Variants in ANK3 observed in about 807,000 individuals in gnomAD.
The protein encoded by ANK3 is ankyrin-3.
In ANK3, 57 loss-of-function variants were observed where a neutral mutation model predicts 370.9. That is an observed-to-expected ratio of 0.15 (90% CI 0.12 to 0.19). The LOEUF (loss-of-function observed/expected upper bound fraction) is 0.19, where lower values mean the gene tolerates loss of function less well. ANK3 is among the 10% of genes least tolerant of loss of function. The pLI, the probability that ANK3 is intolerant of heterozygous loss-of-function variation, is 1.00. For missense variants in ANK3, 4,439 were observed against 5,302.1 expected (o/e 0.84, Z 5.06); for synonymous variants, 1,929 against 1,946.3 (o/e 0.99, Z 0.23).
chr10:60,497,332 G>A (rs2075685038), intron 2 of ANK3, among the ~76,000 whole-genome samples: 1 of 152,022 alleles, frequency 6.6e-6, no homozygotes, highest in African/African-American at 2.4e-5. Context: ...ATAAATATGT[G>A]CCTAGTATCA....
At chr10:60,444,248 A>G (rs1403508886) in intron 2 of ANK3, among the ~76,000 whole-genome samples, 1 of 152,108 alleles carries the variant, frequency 6.6e-6, no homozygotes, top group Non-Finnish European at 1.5e-5. Flanking sequence ...AACCCCAGCT[A>G]GAGAGCAAAA....
At chr10:60,348,367 A>ACAC (rs779742759) in intron 1 of ANK3, among the ~76,000 whole-genome samples, 21,935 of 125,906 alleles carry the variant, frequency 0.17, 2,475 homozygotes, top group Middle Eastern at 0.33. Flanking sequence ...AAAAAAAAAA[A>ACAC]AAACACAAAA....
intron 1 of ANK3, among the ~76,000 whole-genome samples, chr10:60,372,681 A>G (rs1269366401): frequency 6.6e-6 from 1 of 152,200 alleles, no homozygotes; most frequent in Non-Finnish European, 1.5e-5. Flanking sequence ...CTGGCTCTGC[A>G]GAGGCCCCGG....
intron 1 of ANK3, among the ~76,000 whole-genome samples, chr10:60,348,670 C>A (rs1260418012): frequency 6.6e-6 from 1 of 152,144 alleles, no homozygotes; most frequent in Non-Finnish European, 1.5e-5. Flanking sequence ...CGGCTAACAG[C>A]AGTAGTGGTG....
At chr10:60,104,182 C>T (rs1423995299) in intron 28 of ANK3, among the ~76,000 whole-genome samples, 3 of 151,204 alleles carry the variant, frequency 2.0e-5, no homozygotes, top group Non-Finnish European at 4.4e-5. Flanking sequence ...ACCTGCAATA[C>T]AAGTTTACCT....
chr10:60,253,913 G>A (rs1592539440), intron 7 of ANK3, among the ~76,000 whole-genome samples: 1 of 152,148 alleles, frequency 6.6e-6, no homozygotes, highest in African/African-American at 2.4e-5. Flanking sequence ...AAAAAAGTCT[G>A]CTATAAGTGG....
At chr10:60,095,341 T>C (rs1407739105) in intron 28 of ANK3, among the ~76,000 whole-genome samples, 1 of 152,218 alleles carries the variant, frequency 6.6e-6, no homozygotes, top group Non-Finnish European at 1.5e-5. Flanking sequence ...TGCTATAAAA[T>C]ATACGTACTA....
At chr10:60,473,966 CAAAA>C (rs139841930) in intron 2 of ANK3, among the ~76,000 whole-genome samples, 8 of 92,640 alleles carry the variant, frequency 8.6e-5, no homozygotes, top group African/African-American at 1.7e-4. Context: ...CCTGTTTCTA[CAAAA>C]AAAAAAAAAA....
At chr10:60,307,237 C>T (rs932196531) in intron 1 of ANK3, among the ~76,000 whole-genome samples, 3 of 152,300 alleles carry the variant, frequency 2.0e-5, no homozygotes, top group African/African-American at 7.2e-5. Context: ...GCCAACAAAA[C>T]CTAAAATATT....
At chr10:60,325,352 T>C (rs1040308717) in intron 1 of ANK3, among the ~76,000 whole-genome samples, 1 of 152,208 alleles carries the variant, frequency 6.6e-6, no homozygotes, top group East Asian at 1.9e-4. Context: ...GAGACAAATG[T>C]CCACTTTTGG....
At chr10:60,430,835 C>G (rs1473348767) in intron 2 of ANK3, among the ~76,000 whole-genome samples, 1 of 152,150 alleles carries the variant, frequency 6.6e-6, no homozygotes, top group African/African-American at 2.4e-5. Context: ...AATTCTTACT[C>G]TACTATCTCT....
intron 1 of ANK3, among the ~76,000 whole-genome samples, chr10:60,633,653 T>TA (rs1457699019): frequency 6.6e-6 from 1 of 152,122 alleles, no homozygotes; most frequent in African/African-American, 2.4e-5. Flanking sequence ...TTTAAAAAAA[T>TA]AGAGCTGGGC....
At chr10:60,656,323 T>C (rs1364508396) in intron 1 of ANK3, among the ~76,000 whole-genome samples, 1 of 152,166 alleles carries the variant, frequency 6.6e-6, no homozygotes, top group East Asian at 1.9e-4. Context: ...AGTATTTTCC[T>C]TCTAATGTCT....
intron 2 of ANK3, among the ~76,000 whole-genome samples, chr10:60,575,586 T>C (rs540924798): frequency 1.3e-5 from 2 of 152,290 alleles, no homozygotes; most frequent in South Asian, 4.1e-4. Flanking sequence ...ATGTGGCATA[T>C]AACATGTTTT....
In ANK3 at chr10:60,074,096, C is replaced by T. The variant is rs768862616; in HGVS notation, c.6785G>A (p.Gly2262Asp). Reference sequence around the variant, plus strand: ...GGTTTCTTCAATTCTTTCAGATGCACCTTCACCGCCTGGTGGAGAATGATA... The same window carrying T: ...GGTTTCTTCAATTCTTTCAGATGCATCTTCACCGCCTGGTGGAGAATGATA... ...MVYHSPPGGE[G>D]ASERIEETMS... Residue 2262 changes from glycine (G) to aspartate (D), a missense_variant, in exon 37 of 44, where the codon GGT becomes GAT. By Grantham distance (94) the Gly-to-Asp change is moderately conservative. Coordinates refer to ENST00000280772, the MANE Select transcript of ANK3 (RefSeq NM_020987.5). 1 of 1,613,924 alleles carries T rather than the reference C, an allele frequency of 6.2e-7. No homozygotes were observed.
intron 16 of ANK3, among the ~76,000 whole-genome samples, chr10:60,189,922 A>G (rs1238294461): frequency 6.6e-6 from 1 of 152,238 alleles, no homozygotes; most frequent in Non-Finnish European, 1.5e-5. Flanking sequence ...ATCAATAGAT[A>G]TGTTGCACAT....
At chr10:60,672,629 C>T (rs1188517078) in intron 1 of ANK3, among the ~76,000 whole-genome samples, 1 of 152,128 alleles carries the variant, frequency 6.6e-6, no homozygotes, top group Non-Finnish European at 1.5e-5. Context: ...TCATCTGTAT[C>T]CTTTATTAAT....
intron 23 of ANK3, among the ~76,000 whole-genome samples, chr10:60,149,794 C>A (rs193080323): frequency 6.6e-6 from 1 of 152,160 alleles, no homozygotes; most frequent in Non-Finnish European, 1.5e-5. Context: ...CTGCAACCTC[C>A]GCCTCCTGGG....
chr10:60,425,852 A>G (rs1670229917), intron 2 of ANK3, among the ~76,000 whole-genome samples: 3 of 152,118 alleles, frequency 2.0e-5, no homozygotes, highest in Admixed American at 2.0e-4. Context: ...GTCAGTTACC[A>G]GAGGATTAAA....
Sources: allele counts gnomAD v4.1 joint callset (sites outside exome capture counted in the v4.1 genomes callset), GRCh38; gene constraint gnomAD v4.1.1; transcripts MANE v1.5; gene names NCBI Gene and HGNC (gene_info 2026-07-23, HGNC 2026-07-21).